The following MAP2K5 variants were observed in gnomAD, a reference collection of about 807,000 sequenced individuals.
MAP2K5 encodes dual specificity mitogen-activated protein kinase kinase 5.
In MAP2K5, 49 loss-of-function variants were observed where a neutral mutation model predicts 83.1. That is an observed-to-expected ratio of 0.59 (90% CI 0.47 to 0.75). The LOEUF (loss-of-function observed/expected upper bound fraction) is 0.75, where lower values mean the gene tolerates loss of function less well. MAP2K5 is among the 30% of genes least tolerant of loss of function. MAP2K5 has a pLI of 0.00. For missense variants in MAP2K5, 457 were observed against 557.5 expected (o/e 0.82, Z 1.82); for synonymous variants, 202 against 191.8 (o/e 1.05, Z -0.44).
chr15:67,680,373 A>G (rs2087789119), intron 13 of MAP2K5, among the ~76,000 whole-genome samples: 1 of 152,162 alleles, frequency 6.6e-6, no homozygotes, highest in Non-Finnish European at 1.5e-5. Flanking sequence ...ATATTTGTAA[A>G]TCATAGTTTA....
intron 3 of MAP2K5, among the ~76,000 whole-genome samples, 152 bp from the exon 4 acceptor site, chr15:67,580,601 GT>G (rs1370426338): frequency 6.6e-6 from 1 of 152,154 alleles, no homozygotes; most frequent in Non-Finnish European, 1.5e-5. Context: ...ATTCACTATA[GT>G]CATTTTGATG....
At chr15:67,670,740 A>T (rs1470620041) in intron 13 of MAP2K5, among the ~76,000 whole-genome samples, 1 of 151,864 alleles carries the variant, frequency 6.6e-6, no homozygotes, top group Non-Finnish European at 1.5e-5. Context: ...AAAAAAACCA[A>T]CCCTTGTGAT....
chr15:67,548,432 A>G (rs1233171928), intron 1 of MAP2K5, among the ~76,000 whole-genome samples: 1 of 152,252 alleles, frequency 6.6e-6, no homozygotes, highest in Non-Finnish European at 1.5e-5. Context: ...AAGCTTTGTA[A>G]TATTCCAGTT....
intron 21 of MAP2K5, among the ~76,000 whole-genome samples, chr15:67,799,030 A>G (rs556193990): frequency 2.6e-5 from 4 of 152,326 alleles, no homozygotes; most frequent in South Asian, 2.1e-4. Context: ...TTAGCTGGGC[A>G]TGGTGGCGGA....
At position 67,563,462 on chromosome 15, in the gene MAP2K5, C is replaced by A; in HGVS notation, c.252+112C>A. ...TAAATCACAGTTGTCATACATTTTT[C>A]TATATAATAGGTAAAGGTTTCAAGG... On this transcript the variant is annotated intron_variant, in intron 3 of 21. Coordinates refer to ENST00000178640, the MANE Select transcript of MAP2K5 (RefSeq NM_145160.3). The surrounding 1 kb of genome is among the most constrained non-coding windows in gnomAD (Gnocchi z 4.5). 7.4e-7 allele frequency: 1 copy of A among 1,348,352 alleles called. No homozygotes were observed. Among genetic ancestry groups the A allele is most frequent in the East Asian group, 2.4e-5 (1 of 41,638 alleles). The allele number at this position is 1,348,352 out of a possible 1,614,324, so 83.5% of individuals were successfully genotyped here.
Position 67,676,480 on chromosome 15 carries a change from G to A in MAP2K5, c.847+11835G>A, listed in dbSNP as rs2087686811. 6.6e-6 allele frequency among the ~76,000 whole-genome samples: 1 copy of A among 152,090 alleles called. No homozygotes were observed. Among genetic ancestry groups the A allele is most frequent in the African/African-American group, 2.4e-5 (1 of 41,404 alleles). On this transcript the variant is annotated intron_variant, in intron 13 of 21. Coordinates refer to ENST00000178640, the MANE Select transcript of MAP2K5 (RefSeq NM_145160.3). The surrounding 1 kb of genome is among the most constrained non-coding windows in gnomAD (Gnocchi z 4.8). ...GAATGGACAGACAGCTTTAGCAGTT[G>A]GAAGAGCTCTCCATGTCTCTTCCTT...
chr15:67,776,998 C>G (rs1429818865), intron 21 of MAP2K5, among the ~76,000 whole-genome samples: 1 of 152,212 alleles, frequency 6.6e-6, no homozygotes. Flanking sequence ...GGAGATGTTT[C>G]TTTTCATCCA....
chr15:67,633,478 T>G (rs1489170023), intron 9 of MAP2K5, among the ~76,000 whole-genome samples: 2 of 152,252 alleles, frequency 1.3e-5, no homozygotes, highest in Non-Finnish European at 2.9e-5. Flanking sequence ...AAAAGTATTG[T>G]GCATTAGTTG....
intron 2 of MAP2K5, among the ~76,000 whole-genome samples, chr15:67,551,795 A>G (rs2084515612): frequency 6.6e-6 from 1 of 152,244 alleles, no homozygotes; most frequent in Non-Finnish European, 1.5e-5. Flanking sequence ...AATGCCTATT[A>G]TAATGGATTA....
intron 16 of MAP2K5, among the ~76,000 whole-genome samples, chr15:67,703,639 C>T (rs922709777): frequency 5.3e-5 from 8 of 152,068 alleles, no homozygotes; most frequent in Admixed American, 1.3e-4. Context: ...CTGCCTGGAG[C>T]GCTTGTTAAA....
chr15:67,600,868 A>G lies in MAP2K5; in HGVS notation c.545+119A>G, dbSNP rs922830217. ...CACTTAGATTTTATTTCCATATTTG[A>G]CTCCAAAATTCTGCAAGACATCTAT... is the stretch of plus-strand genomic sequence containing the variant. On this transcript the variant is annotated intron_variant, in intron 8 of 21. Coordinates refer to ENST00000178640, the MANE Select transcript of MAP2K5 (RefSeq NM_145160.3). 5 of 676,838 alleles carry G rather than the reference A, an allele frequency of 7.4e-6. No homozygotes were observed. The South Asian group carries it at 1.1e-4, about 15-fold the overall frequency. The allele number at this position is 676,838 out of a possible 1,614,324, so 41.9% of individuals were successfully genotyped here.
At chr15:67,557,307 A>G (rs1331714711) in intron 2 of MAP2K5, among the ~76,000 whole-genome samples, 1 of 152,240 alleles carries the variant, frequency 6.6e-6, no homozygotes, top group East Asian at 1.9e-4. Flanking sequence ...GACTTGAAAC[A>G]TGCATTTTAA....
intron 17 of MAP2K5, among the ~76,000 whole-genome samples, chr15:67,729,825 G>C (rs560383281): frequency 4.4e-4 from 67 of 152,170 alleles, no homozygotes; most frequent in African/African-American, 1.5e-3. Flanking sequence ...TGAAAGCTGT[G>C]GTCAAATTTG....
rs2084754588 is a variant in MAP2K5, at chr15:67,562,382, C to T, written c.185-901C>T. Among the ~76,000 whole-genome samples the T allele has an allele frequency of 6.6e-6, 1 of 152,208 alleles. No homozygotes were observed. On this transcript the variant is annotated intron_variant, in intron 2 of 21. Transcript: ENST00000178640. The surrounding 1 kb of genome is among the most constrained non-coding windows in gnomAD (Gnocchi z 4.1). ...TTAAAAATGAGATTTAATATTCTCACATAGTCTATCTTCAGGTTTTTAAAG... is the reference window on the plus strand; with the variant it reads ...TTAAAAATGAGATTTAATATTCTCATATAGTCTATCTTCAGGTTTTTAAAG...
intron 21 of MAP2K5, among the ~76,000 whole-genome samples, chr15:67,803,115 C>T (rs898600793): frequency 1.5e-4 from 23 of 152,222 alleles, no homozygotes; most frequent in African/African-American, 5.1e-4. Context: ...AGCCAGTGGG[C>T]ACATCAGGAC....
intron 13 of MAP2K5, among the ~76,000 whole-genome samples, chr15:67,688,970 T>G (rs1380056476): frequency 6.6e-6 from 1 of 152,224 alleles, no homozygotes; most frequent in Admixed American, 6.5e-5. Flanking sequence ...TATCAACCAG[T>G]GAGCAAGATA....
At chr15:67,796,441 G>A (rs2090605698) in intron 21 of MAP2K5, among the ~76,000 whole-genome samples, 1 of 152,156 alleles carries the variant, frequency 6.6e-6, no homozygotes, top group Non-Finnish European at 1.5e-5. Flanking sequence ...CAAGAGGGGA[G>A]CTGGCACATC....
chr15:67,590,433 C>T (rs1424772000), intron 6 of MAP2K5, among the ~76,000 whole-genome samples: 1 of 59,252 alleles, frequency 1.7e-5, no homozygotes, highest in African/African-American at 6.9e-5. Context: ...CTCCCTCTCT[C>T]TCTCCCTCCC....
Position 67,600,221 on chromosome 15 carries a change from A to T in MAP2K5, c.481-464A>T, listed in dbSNP as rs79403995. On this transcript the variant is annotated intron_variant, in intron 7 of 21. Transcript: ENST00000178640. ...AATCATAAACATTATTTAGTTTGTT[A>T]AATGTTAATTATGGGGGTCATCTGA... 8.5e-3 allele frequency among the ~76,000 whole-genome samples: 1,294 copies of T among 152,292 alleles called. 16 individuals are homozygous for T. Among genetic ancestry groups the T allele is most frequent in the African/African-American group, 0.03 (1,238 of 41,556 alleles).
Sources: allele counts gnomAD v4.1 joint callset (sites outside exome capture counted in the v4.1 genomes callset), GRCh38; gene constraint gnomAD v4.1.1; non-coding constraint Gnocchi (gnomAD v3.1); transcripts MANE v1.5; gene names NCBI Gene and HGNC (gene_info 2026-07-23, HGNC 2026-07-21).